The following LCLAT1 variants were observed in gnomAD, a reference collection of about 807,000 sequenced individuals.
LCLAT1 encodes the protein 1-AGP acyltransferase 8.
In LCLAT1, 11 loss-of-function variants were observed where a neutral mutation model predicts 30.7. That is an observed-to-expected ratio of 0.36 (90% CI 0.23 to 0.59). LCLAT1 has a LOEUF of 0.59. Among genes scored for constraint, LCLAT1 ranks in the 20% least tolerant of loss-of-function variants. The pLI is 0.77. For missense variants in LCLAT1, 402 were observed against 458.6 expected, an observed-to-expected ratio of 0.88 and a Z score of 1.13; for synonymous variants, 155 against 151.3, an observed-to-expected ratio of 1.02 and a Z score of -0.18.
intron 3 of LCLAT1, among the ~76,000 whole-genome samples, chr2:30,555,084 G>C (rs906709793): frequency 6.6e-6 from 1 of 151,978 alleles, no homozygotes; most frequent in Non-Finnish European, 1.5e-5. Flanking sequence ...TGGGTGAAGA[G>C]AAAATTATAA....
intron 1 of LCLAT1, among the ~76,000 whole-genome samples, chr2:30,499,016 A>G (rs940465907): frequency 6.6e-6 from 1 of 152,200 alleles, no homozygotes; most frequent in African/African-American, 2.4e-5. Context: ...TAAGGAAAAT[A>G]AACTGTCAAA....
intron 2 of LCLAT1, among the ~76,000 whole-genome samples, chr2:30,529,229 G>T (rs952927531): frequency 6.6e-6 from 1 of 152,172 alleles, no homozygotes; most frequent in East Asian, 1.9e-4. Flanking sequence ...AGTTTCTCTT[G>T]TGGATTAAAA....
intron 1 of LCLAT1, among the ~76,000 whole-genome samples, chr2:30,511,235 G>A (rs1257038991): frequency 6.6e-6 from 1 of 152,008 alleles, no homozygotes; most frequent in East Asian, 1.9e-4. Flanking sequence ...CTGTATTTTC[G>A]AACTCCTGAC....
intron 5 of LCLAT1, among the ~76,000 whole-genome samples, chr2:30,569,377 G>A (rs929072690): frequency 8.5e-5 from 13 of 152,166 alleles, no homozygotes; most frequent in Admixed American, 2.6e-4. Flanking sequence ...TGAAGAAAAG[G>A]TAACTATTCG....
Position 30,641,527 on chromosome 2 carries a change from A to G in LCLAT1, c.*908A>G, listed in dbSNP as rs1269274111. ...TTTCTTTACAACCTACCAAAAAAGGAAGGTTGTTTTTTCTACATGTGCTTG... is the reference window on the plus strand; with the variant it reads ...TTTCTTTACAACCTACCAAAAAAGGGAGGTTGTTTTTTCTACATGTGCTTG... On this transcript the variant is annotated 3_prime_UTR_variant, in exon 6 of 6. Transcript: ENST00000379509. 6.6e-6 allele frequency: 1 copy of G among 152,206 alleles called. No individual in the cohort carries two copies. The highest frequency in any genetic ancestry group is 2.4e-5 in the African/African-American group (1 of 41,440). The allele number at this position is 152,206 out of a possible 1,614,324, so 9.4% of individuals were successfully genotyped here. A position where few individuals can be genotyped will look rare whatever the true frequency, so the allele number is the denominator to read the frequency against.
intron 1 of LCLAT1, among the ~76,000 whole-genome samples, chr2:30,515,792 A>G (rs746289057): frequency 1.4e-4 from 22 of 152,206 alleles, no homozygotes; most frequent in African/African-American, 3.4e-4. Context: ...TTACTTTTCA[A>G]TCATGGCGTT....
chr2:30,524,807 AC>A (rs1685630467), intron 1 of LCLAT1, among the ~76,000 whole-genome samples: 1 of 152,038 alleles, frequency 6.6e-6, no homozygotes, highest in Non-Finnish European at 1.5e-5. Context: ...TGTAAGTTAA[AC>A]TTTATCATGG....
At chr2:30,548,190 G>A (rs1572607839) in intron 3 of LCLAT1, among the ~76,000 whole-genome samples, 1 of 152,186 alleles carries the variant, frequency 6.6e-6, no homozygotes. Context: ...GGTAAGTAGT[G>A]GGGATATACG....
At position 30,533,049 on chromosome 2, in the gene LCLAT1, G is replaced by T. The variant is rs185844444; in HGVS notation, c.166-67G>T. On this transcript the variant is annotated intron_variant, in intron 2 of 5. Coordinates refer to ENST00000379509, the MANE Select transcript of LCLAT1 (RefSeq NM_001002257.3). ...AGAAATCATAAGATTTATTTATAGGGCATGATAAAATTTACCTATGGAAAA... is the reference window on the plus strand; with the variant it reads ...AGAAATCATAAGATTTATTTATAGGTCATGATAAAATTTACCTATGGAAAA... The T allele has an allele frequency of 2.9e-6, 3 of 1,039,188 alleles. No individual in the cohort carries two copies. The Admixed American group carries it at 5.1e-5, about 18-fold the overall frequency. The allele number at this position is 1,039,188 out of a possible 1,614,324, so 64.4% of individuals were successfully genotyped here. A position where few individuals can be genotyped will look rare whatever the true frequency, so the allele number is the denominator to read the frequency against.
At chr2:30,500,485 C>CT (rs1209030423) in intron 1 of LCLAT1, among the ~76,000 whole-genome samples, 7 of 152,188 alleles carry the variant, frequency 4.6e-5, no homozygotes, top group Non-Finnish European at 1.0e-4. Flanking sequence ...CAGTAGAAGA[C>CT]TATCTTTGGC....
At chr2:30,533,638 C>G (rs1027403765) in intron 3 of LCLAT1, among the ~76,000 whole-genome samples, 1 of 152,174 alleles carries the variant, frequency 6.6e-6, no homozygotes, top group Non-Finnish European at 1.5e-5. Context: ...CGGCCAGAAA[C>G]TGGTCTGTGC....
chr2:30,475,507 G>T (rs1683002190), intron 1 of LCLAT1, among the ~76,000 whole-genome samples: 1 of 152,004 alleles, frequency 6.6e-6, no homozygotes, highest in African/African-American at 2.4e-5. Context: ...ATGATAATCT[G>T]GATTACTGAC....
intron 1 of LCLAT1, among the ~76,000 whole-genome samples, chr2:30,453,573 C>T (rs909121250): frequency 4.6e-5 from 7 of 152,098 alleles, no homozygotes; most frequent in Admixed American, 2.0e-4. Flanking sequence ...TGACTAAACT[C>T]GATCATTTTT....
rs760622200 is a variant in LCLAT1, at chr2:30,461,770, C to CCTTTTTTTTTTTTTT, written c.-5+14387_-5+14388insCTTTTTTTTTTTTTT. Among the ~76,000 whole-genome samples the CCTTTTTTTTTTTTTT allele has an allele frequency of 1.5e-3, 192 of 131,688 alleles. 9 individuals carry two copies. The highest frequency in any genetic ancestry group is 2.8e-3 in the East Asian group (12 of 4,330). 86.4% of individuals were successfully genotyped at this position (131,688 alleles called of 152,430 possible). ...TGTGGACCACTTTTTCTAAATTAAA[C>CCTTTTTTTTTTTTTT]TTTTTTTTTTTTTTTTTTGAGACGG... is the stretch of plus-strand genomic sequence containing the variant. On this transcript the variant is annotated intron_variant, in intron 1 of 5. Coordinates refer to ENST00000379509, the MANE Select transcript of LCLAT1 (RefSeq NM_001002257.3).
At chr2:30,615,560 A>G (rs1667956118) in intron 5 of LCLAT1, among the ~76,000 whole-genome samples, 1 of 152,154 alleles carries the variant, frequency 6.6e-6, no homozygotes, top group Admixed American at 6.5e-5. Flanking sequence ...GGAATTTACC[A>G]AGGACTCCCA....
At chr2:30,518,095 C>T (rs866475357) in intron 1 of LCLAT1, among the ~76,000 whole-genome samples, 5 of 152,204 alleles carry the variant, frequency 3.3e-5, no homozygotes, top group Non-Finnish European at 5.9e-5. Flanking sequence ...CATACCTCAC[C>T]AGTTCAGAAA....
chr2:30,568,263 A>AT, intron 5 of LCLAT1, 87 bp downstream of exon 5: 2 of 592,414 alleles, frequency 3.4e-6, no homozygotes, highest in Non-Finnish European at 5.9e-6. Flanking sequence ...TTTGTAAAGG[A>AT]TTTTTTACTA....
chr2:30,568,200 C>G (rs1330338643), intron 5 of LCLAT1, 24 bp downstream of exon 5: 1 of 1,378,220 alleles, frequency 7.3e-7, no homozygotes, highest in South Asian at 1.3e-5. Flanking sequence ...TCAAAATGTA[C>G]TTTTTAATAA....
intron 3 of LCLAT1, among the ~76,000 whole-genome samples, chr2:30,553,037 T>C (rs1181926245): frequency 6.6e-6 from 1 of 152,202 alleles, no homozygotes; most frequent in African/African-American, 2.4e-5. Context: ...CCATATTGAG[T>C]TACTACAAGG....
Sources: gnomAD v4.1 joint callset for allele counts (sites outside exome capture counted in the v4.1 genomes callset) on GRCh38, gnomAD v4.1.1 for gene constraint, MANE v1.5 for transcripts, NCBI Gene and HGNC (gene_info 2026-07-23, HGNC 2026-07-21) for gene names.